Variants in PSD3 observed in about 807,000 individuals in gnomAD.
PSD3 encodes the protein PH and SEC7 domain-containing protein 3.
A neutral mutation model predicts 105.5 loss-of-function variants in PSD3; 49 were observed. That is an observed-to-expected ratio of 0.46 (90% CI 0.37 to 0.59). The LOEUF is 0.59. Among genes scored for constraint, PSD3 ranks in the 20% least tolerant of loss-of-function variants. The probability of loss-of-function intolerance (pLI) is 0.00; values close to 1 mark genes in which losing one functional copy is unlikely to be tolerated. For missense variants in PSD3, 1,561 were observed against 1,263.8 expected (o/e 1.24, Z -3.57); for synonymous variants, 557 against 457.8 (o/e 1.22, Z -2.77).
chr8:18,600,348 T>C lies in PSD3; in HGVS notation c.2481+16A>G, dbSNP rs1386145529. 5 of 1,601,166 alleles carry C rather than the reference T, an allele frequency of 3.1e-6. No homozygotes were observed. The highest frequency in any genetic ancestry group is 1.3e-5 in the African/African-American group (1 of 74,580). ...TTCATCGAGTTTTGTGGATTTTTTA[T>C]CTGCTTTACTTTTACCTTTTGCAAG... On this transcript the variant is annotated intron_variant, in intron 12 of 15. Coordinates refer to ENST00000327040, the MANE Select transcript of PSD3 (RefSeq NM_015310.4).
chr8:18,901,730 C>T (rs1165380306), intron 2 of PSD3, among the ~76,000 whole-genome samples: 2 of 152,160 alleles, frequency 1.3e-5, no homozygotes, highest in African/African-American at 4.8e-5. Context: ...GTAATGAATT[C>T]TCTCAGTTTT....
intron 1 of PSD3, among the ~76,000 whole-genome samples, chr8:19,076,835 G>C (rs150430865): frequency 1.4e-4 from 22 of 152,038 alleles, no homozygotes; most frequent in African/African-American, 5.3e-4. Context: ...ACAGCTACTG[G>C]TGCGACTCTT....
At chr8:18,572,497 C>T in intron 14 of PSD3, 31 bp downstream of exon 14, 1 of 1,594,216 alleles carries the variant, frequency 6.3e-7, no homozygotes, top group South Asian at 1.1e-5. Flanking sequence ...AGTACTTTTT[C>T]CCAAGGTCAA....
chr8:18,671,639 GT>G (rs113161494), intron 9 of PSD3, among the ~76,000 whole-genome samples: 26 of 145,460 alleles, frequency 1.8e-4, no homozygotes, highest in South Asian at 4.3e-4. Flanking sequence ...TTTGTTTTTT[GT>G]TTTTTTTTTT....
chr8:18,768,116 C>CAAAAAAAA (rs774203727), intron 8 of PSD3, among the ~76,000 whole-genome samples: 21 of 97,358 alleles, frequency 2.2e-4, no homozygotes, highest in Admixed American at 2.5e-4. Flanking sequence ...ACTGAAAATA[C>CAAAAAAAA]AAAAAAAAAA....
intron 11 of PSD3, among the ~76,000 whole-genome samples, chr8:18,610,301 T>G (rs1805161130): frequency 6.6e-6 from 1 of 152,220 alleles, no homozygotes; most frequent in Non-Finnish European, 1.5e-5. Context: ...CTTAGGAGTA[T>G]GCACCTGTAA....
chr8:18,865,272 ATATATATATATATATTTTTTT>A (rs1816821889), intron 4 of PSD3: 3 of 2,188 alleles, frequency 1.4e-3, no homozygotes, highest in South Asian at 0.056. Flanking sequence ...ATATATATAT[ATATATATATATATATTTTTTT>A]TTTTTTTTTT....
chr8:18,990,792 G>A lies in PSD3; in HGVS notation c.21+22771C>T, dbSNP rs10102898. Among the ~76,000 whole-genome samples, 1,227 of 152,236 alleles carry A rather than the reference G, an allele frequency of 8.1e-3. 15 individuals are homozygous for A. The highest frequency in any genetic ancestry group is 0.028 in the African/African-American group (1,171 of 41,530). ...GCCTGTCCTCCACCTACCTTTCCAT[G>A]ATCTGTAATTCCCCTGATGATCACA... On this transcript the variant is annotated intron_variant, in intron 1 of 15. Transcript: ENST00000327040.
chr8:18,898,683 T>C lies in PSD3; in HGVS notation c.131-25950A>G, dbSNP rs182025354. On this transcript the variant is annotated intron_variant, in intron 2 of 15. Transcript: ENST00000327040. ...GTATGTATTATATACTTTATTTTTA[T>C]AATAAACTAGAGAAAAGAAAATGTT... Among the ~76,000 whole-genome samples, 23 of 152,270 alleles carry C rather than the reference T, an allele frequency of 1.5e-4. No individual in the cohort carries two copies. The East Asian group carries it at 4.1e-3, about 27-fold the overall frequency.
intron 1 of PSD3, among the ~76,000 whole-genome samples, chr8:18,996,648 G>C (rs918074424): frequency 6.6e-6 from 1 of 151,778 alleles, no homozygotes; most frequent in Non-Finnish European, 1.5e-5. Flanking sequence ...ATTGGTATTC[G>C]AACATGCTGT....
intron 11 of PSD3, among the ~76,000 whole-genome samples, chr8:18,616,196 G>T (rs531873958): frequency 6.6e-6 from 1 of 152,222 alleles, no homozygotes; most frequent in African/African-American, 2.4e-5. Context: ...GCTGCTCCAC[G>T]ATGGCCTCTT....
intron 1 of PSD3, among the ~76,000 whole-genome samples, chr8:19,045,846 A>G (rs1266203497): frequency 2.0e-5 from 3 of 152,152 alleles, no homozygotes; most frequent in African/African-American, 7.2e-5. Context: ...AAATCCTCAC[A>G]ATAACCTGTC....
At chr8:18,972,820 C>T (rs7844906) in intron 1 of PSD3, among the ~76,000 whole-genome samples, 10,506 of 152,204 alleles carry the variant, frequency 0.069, 900 homozygotes, top group African/African-American at 0.2. Flanking sequence ...GTTTAAGCTA[C>T]GCTGTGTATG....
At chr8:18,689,115 C>G (rs1253377463) in intron 9 of PSD3, among the ~76,000 whole-genome samples, 1 of 152,180 alleles carries the variant, frequency 6.6e-6, no homozygotes, top group East Asian at 1.9e-4. Flanking sequence ...AACTCAACCT[C>G]TCAAAAGAGT....
rs73199937 is a variant in PSD3, at chr8:18,710,676, G to A, written c.2172+54773C>T. Among the ~76,000 whole-genome samples, 650 of 152,126 alleles carry A rather than the reference G, an allele frequency of 4.3e-3. 5 individuals are homozygous for A. Among genetic ancestry groups the A allele is most frequent in the Non-Finnish European group, 7.3e-3 (493 of 67,986 alleles). On this transcript the variant is annotated intron_variant, in intron 9 of 15. Coordinates refer to ENST00000327040, the MANE Select transcript of PSD3 (RefSeq NM_015310.4). The stretch of plus-strand genomic sequence containing the variant: ...ACCTTACGAGCCAGAAGAGATTGGG[G>A]GCCAATATTCAATTTTTTTTTTTGA...
At chr8:18,646,594 A>G (rs1808051519) in intron 10 of PSD3, among the ~76,000 whole-genome samples, 1 of 152,134 alleles carries the variant, frequency 6.6e-6, no homozygotes. Context: ...AAGCACTACA[A>G]CAAAAAAAAT....
chr8:19,075,139 G>C lies in PSD3; in HGVS notation c.324+9067C>G, dbSNP rs536398444. Among the ~76,000 whole-genome samples the C allele has an allele frequency of 9.9e-5, 15 of 151,700 alleles. 1 individual carries two copies. In the South Asian group the frequency reaches 3.1e-3, roughly 32 times the overall value. On this transcript the variant is annotated intron_variant, in intron 1 of 1. Transcript: ENST00000521475. ...ATTTTTGTATTTTCAGTAGAGACAG[G>C]ATTTCACCATGTTGGCCAGGCTGGC...
At chr8:18,697,188 C>T (rs7018263) in intron 9 of PSD3, among the ~76,000 whole-genome samples, 102,656 of 152,150 alleles carry the variant, frequency 0.67, 38,931 homozygotes, top group Non-Finnish European at 0.87. Context: ...GTATTTTACA[C>T]TCCCAGAATA....
chr8:18,927,589 G>A (rs1179100381), intron 2 of PSD3, among the ~76,000 whole-genome samples: 2 of 152,148 alleles, frequency 1.3e-5, no homozygotes, highest in Non-Finnish European at 2.9e-5. Flanking sequence ...TCAGCCCTTC[G>A]CTCCTCCCAG....
Sources: allele counts gnomAD v4.1 joint callset (sites outside exome capture counted in the v4.1 genomes callset), GRCh38; gene constraint gnomAD v4.1.1; transcripts MANE v1.5; gene names NCBI Gene and HGNC (gene_info 2026-07-23, HGNC 2026-07-21).